The following RFX8 variants were observed in gnomAD, a reference collection of about 807,000 sequenced individuals.
RFX8 encodes regulatory factor X8, also known as DNA-binding protein RFX8.
RFX8 carries 46 observed loss-of-function variants against 54.6 expected under a neutral mutation model. The ratio of observed to expected loss-of-function variants is 0.84; its 90% CI spans 0.67 to 1.08. RFX8 has a LOEUF of 1.08. Among genes scored for constraint, RFX8 ranks in the 50% least tolerant of loss-of-function variants. The pLI, the probability that RFX8 is intolerant of heterozygous loss-of-function variation, is 0.00. For synonymous variants in RFX8, 192 were observed against 209.5 expected (o/e 0.92, Z 0.72); for missense variants, 536 against 562.3 (o/e 0.95, Z 0.47).
chr2:101,427,848 G>A (rs532762462), intron 2 of RFX8, among the ~76,000 whole-genome samples: 1 of 152,186 alleles, frequency 6.6e-6, no homozygotes. Context: ...TGTTTTTAGC[G>A]GTTCTTTCAC....
At chr2:101,449,424 G>A (rs909978983) in intron 2 of RFX8, among the ~76,000 whole-genome samples, 4 of 152,132 alleles carry the variant, frequency 2.6e-5, no homozygotes, top group African/African-American at 9.7e-5. Context: ...AAGGATTAAA[G>A]GAGATATGGG....
chr2:101,442,179 C>T (rs1688135907), intron 2 of RFX8, among the ~76,000 whole-genome samples: 1 of 152,100 alleles, frequency 6.6e-6, no homozygotes, highest in Non-Finnish European at 1.5e-5. Context: ...AATCTTTTTT[C>T]CATTTAGGCC....
At chr2:101,467,028 G>A (rs570691604) in intron 1 of RFX8, 128 bp from the exon 2 acceptor site, 1 of 625,060 alleles carries the variant, frequency 1.6e-6, no homozygotes, top group South Asian at 1.9e-5. Context: ...TTTATTGGAT[G>A]AATCCCTGCG....
intron 2 of RFX8, among the ~76,000 whole-genome samples, chr2:101,439,186 G>A (rs1031639458): frequency 1.3e-5 from 2 of 152,086 alleles, no homozygotes; most frequent in African/African-American, 4.8e-5. Context: ...ATTTACAATT[G>A]CTTTATCGTA....
chr2:101,470,893 G>A (rs904826974), intron 1 of RFX8, among the ~76,000 whole-genome samples: 2 of 149,880 alleles, frequency 1.3e-5, no homozygotes, highest in African/African-American at 4.9e-5. Flanking sequence ...CTAATTTTTT[G>A]TATATTTAGT....
intron 2 of RFX8, chr2:101,452,276 A>C: frequency 1.7e-6 from 1 of 589,316 alleles, no homozygotes; most frequent in Non-Finnish European, 2.8e-6. Flanking sequence ...CTCTTTGGTA[A>C]GAGTTGTTAT....
chr2:101,419,187 T>A (rs1686713610), intron 4 of RFX8, among the ~76,000 whole-genome samples: 1 of 152,122 alleles, frequency 6.6e-6, no homozygotes, highest in African/African-American at 2.4e-5. Context: ...TGTAGAACAT[T>A]ATTAATATTT....
chr2:101,453,496 G>A (rs927094806), intron 2 of RFX8, among the ~76,000 whole-genome samples: 1 of 151,072 alleles, frequency 6.6e-6, no homozygotes, highest in African/African-American at 2.4e-5. Flanking sequence ...AAATTAGCCG[G>A]GCATGAACCC....
intron 2 of RFX8, among the ~76,000 whole-genome samples, chr2:101,459,236 G>A (rs531792221): frequency 7.0e-4 from 107 of 152,216 alleles, no homozygotes; most frequent in African/African-American, 2.5e-3. Flanking sequence ...GTCATTCTCC[G>A]TCCAGTTTTG....
At position 101,397,609 on chromosome 2, in the gene RFX8, A is replaced by G; in HGVS notation, c.1361T>C (p.Ile454Thr). The change falls in exon 12 of 12, where the codon ATA (isoleucine) becomes ACA (threonine). Residue 454 changes from isoleucine (I) to threonine (T), a missense_variant. Transcript: ENST00000428343. ...TTCAGAGCTTTGGGGTACATCTGAT[A>G]TCTGAATCACAAATTGTTGTCCATC... ...LKDGQQFVIQ[I>T]SDVPQSSEDI... 6 of 1,551,138 alleles carry G rather than the reference A, an allele frequency of 3.9e-6. No individual in the cohort carries two copies. The highest frequency in any genetic ancestry group is 3.6e-5 in the South Asian group (3 of 83,994).
chr2:101,441,135 T>C (rs1228687773), intron 2 of RFX8, among the ~76,000 whole-genome samples: 3 of 151,848 alleles, frequency 2.0e-5, no homozygotes, highest in Non-Finnish European at 4.4e-5. Flanking sequence ...GCCGGCTAAT[T>C]TTGTTTTTGT....
chr2:101,443,696 CT>C (rs1403638289), intron 2 of RFX8, among the ~76,000 whole-genome samples: 2 of 152,112 alleles, frequency 1.3e-5, no homozygotes, highest in East Asian at 3.9e-4. Context: ...CCACACACCC[CT>C]GGACTGAGCA....
intron 11 of RFX8, 113 bp from the exon 12 acceptor site, chr2:101,397,837 G>T: frequency 2.5e-6 from 2 of 815,994 alleles, no homozygotes; most frequent in Non-Finnish European, 3.7e-6. Context: ...ACCCTGGGAT[G>T]TAAAGGAGAA....
chr2:101,469,138 GTA>G (rs1330915540), intron 1 of RFX8, among the ~76,000 whole-genome samples: 21 of 113,518 alleles, frequency 1.8e-4, no homozygotes, highest in African/African-American at 3.2e-4. Context: ...ATATATATAA[GTA>G]TATATATATA....
intron 2 of RFX8, among the ~76,000 whole-genome samples, chr2:101,437,824 ATATT>A (rs1323489641): frequency 6.6e-6 from 1 of 150,624 alleles, no homozygotes; most frequent in Non-Finnish European, 1.5e-5. Context: ...ATTTGTGTGT[ATATT>A]TATTTCTACA....
rs187881965 is a variant in RFX8, at chr2:101,454,423, C to T, written c.72+12354G>A. On this transcript the variant is annotated intron_variant, in intron 2 of 11. Transcript: ENST00000428343. ...TTGGGTATATACCCAGTAATGGGATCGCTGGGTCAAATGGTATTTCTAGTT... is the reference window on the plus strand; with the variant it reads ...TTGGGTATATACCCAGTAATGGGATTGCTGGGTCAAATGGTATTTCTAGTT... 2.7e-3 allele frequency among the ~76,000 whole-genome samples: 407 copies of T among 152,236 alleles called. 10 individuals carry two copies. In the East Asian group the frequency reaches 0.055, roughly 21 times the overall value.
intron 2 of RFX8, among the ~76,000 whole-genome samples, chr2:101,454,167 G>A (rs1201480716): frequency 1.3e-5 from 2 of 151,080 alleles, no homozygotes; most frequent in Non-Finnish European, 2.9e-5. Context: ...CTGTCCTTGT[G>A]ATAGTTTGCT....
intron 2 of RFX8, among the ~76,000 whole-genome samples, chr2:101,439,922 T>A (rs1283554174): frequency 1.3e-5 from 2 of 152,120 alleles, no homozygotes; most frequent in Non-Finnish European, 2.9e-5. Flanking sequence ...GTGATCGGTG[T>A]GTCCATGCCG....
chr2:101,398,328 C>G (rs1250266058), intron 11 of RFX8, among the ~76,000 whole-genome samples: 1 of 152,174 alleles, frequency 6.6e-6, no homozygotes, highest in Non-Finnish European at 1.5e-5. Flanking sequence ...CAAACCAACA[C>G]TCTTCCTTAA....
Sources: gnomAD v4.1 joint callset for allele counts (sites outside exome capture counted in the v4.1 genomes callset) on GRCh38, gnomAD v4.1.1 for gene constraint, MANE v1.5 for transcripts, NCBI Gene and HGNC (gene_info 2026-07-23, HGNC 2026-07-21) for gene names.